Variants in BAIAP3 observed in about 807,000 individuals in gnomAD.
BAIAP3 encodes the protein BAI1 associated protein 3, also known as BAI1-associated protein 3.
A neutral mutation model predicts 149.7 loss-of-function variants in BAIAP3; 180 were observed. The observed-to-expected ratio is 1.20, with a 90% CI of 1.07 to 1.36. The LOEUF (loss-of-function observed/expected upper bound fraction) is 1.36, where lower values mean the gene tolerates loss of function less well. Among genes scored for constraint, BAIAP3 ranks in the 40% most tolerant of loss-of-function variants. BAIAP3 has a pLI of 0.00. For missense variants in BAIAP3, 1,767 were observed against 1,563.4 expected (o/e 1.13, Z -2.20); for synonymous variants, 845 against 670.7 (o/e 1.26, Z -4.02).
chr16:1,339,201 C>T lies in BAIAP3; in HGVS notation c.257C>T (p.Pro86Leu). 1.9e-6 allele frequency: 3 copies of T among 1,565,580 alleles called. No homozygotes were observed. The South Asian group carries it at 3.5e-5, about 18-fold the overall frequency. Residue 86 changes from proline to leucine, a missense_variant, in exon 4 of 34, where the codon CCT becomes CTT. Coordinates refer to ENST00000426824, the MANE Select transcript of BAIAP3 (RefSeq NM_001199097.2). ...LRSGSPAPPE[P>L]VDPSLGLRAL... ...AGTGGCTCGCCAGCACCCCCGGAGC[C>T]TGTGGATCCCAGCCTCGGCCTGAGA...
chr16:1,340,104 A>C (rs2033794085), intron 5 of BAIAP3, among the ~76,000 whole-genome samples: 1 of 148,374 alleles, frequency 6.7e-6, no homozygotes, highest in Middle Eastern at 3.7e-3. Flanking sequence ...ACACAGGCAC[A>C]CAGGCTGCAG....
In BAIAP3 at chr16:1,348,471, G is replaced by A. The variant is rs1403470350; in HGVS notation, c.3448G>A (p.Ala1150Thr). The change falls in exon 34 of 34, where the codon GCG becomes ACG. Residue 1150 changes from alanine to threonine, a missense_variant. Transcript: ENST00000426824. ...KLKELEKCME[A>T]DP ...CAAGGAGCTGGAGAAGTGCATGGAG[G>A]CGGACCCCTGAGTCCATCAGCTGCC... 1.2e-6 allele frequency: 2 copies of A among 1,609,480 alleles called. No homozygotes were observed. Among genetic ancestry groups the A allele is most frequent in the South Asian group, 1.1e-5 (1 of 90,490 alleles).
chr16:1,344,157 C>T lies in BAIAP3; in HGVS notation c.1511+11C>T, dbSNP rs200100472. The T allele has an allele frequency of 2.1e-5, 34 of 1,611,846 alleles. No homozygotes were observed. In the East Asian group the frequency reaches 3.8e-4, roughly 18 times the overall value. On this transcript the variant is annotated intron_variant, in intron 16 of 33. Transcript: ENST00000426824. The stretch of plus-strand genomic sequence containing the variant: ...GGAGCTGCTGCTGAAGTGGGTGCAG[C>T]GCCGCGTGTCAGCGTGGGTGGGGGC...
intron 15 of BAIAP3, 141 bp from the exon 16 acceptor site, chr16:1,343,880 TG>T: frequency 7.5e-7 from 1 of 1,333,394 alleles, no homozygotes; most frequent in Non-Finnish European, 1.0e-6. Context: ...ACAGGCCGAC[TG>T]GGCCTGTGGA....
chr16:1,343,935 G>C, intron 15 of BAIAP3, 87 bp from the exon 16 acceptor site: 1 of 1,569,028 alleles, frequency 6.4e-7, no homozygotes, highest in African/African-American at 1.3e-5. Context: ...GCCCGGGGAA[G>C]GGTGTTGCGG....
chr16:1,346,821 C>T (rs768499493), intron 27 of BAIAP3, 26 bp from the exon 28 acceptor site: 15 of 1,561,420 alleles, frequency 9.6e-6, no homozygotes, highest in African/African-American at 1.3e-5. Context: ...TGGGGCTGGC[C>T]CGTGGTCACT....
At chr16:1,336,059 C>G (rs925129184) in intron 1 of BAIAP3, 1 of 201,420 alleles carries the variant, frequency 5.0e-6, no homozygotes, top group African/African-American at 2.4e-5. Context: ...CACAAAGACA[C>G]CCCCTCCCCA....
Position 1,345,249 on chromosome 16 carries a change from G to T in BAIAP3, c.1941G>T (p.Arg647=). The T allele has an allele frequency of 6.2e-7, 1 of 1,612,786 alleles. No individual in the cohort carries two copies. The highest frequency in any genetic ancestry group is 1.1e-5 in the South Asian group (1 of 91,060). ...AGCCCTCACAACCCTCCCACCACAG[G>T]GACAGCCGCTCTCTGGCCCTGGCTG... ...LQRFWDSIPG[R]DSRSLALAGI... The change falls in exon 22 of 34, where the codon CGG becomes CGT. Residue 647 remains arginine (R), a splice_region_variant and synonymous_variant. Transcript: ENST00000426824.
rs764958638 is a variant in BAIAP3 at position 1,346,525 on chromosome 16, G to A, written c.2562+15G>A. On this transcript the variant is annotated intron_variant, in intron 26 of 33. Transcript: ENST00000426824. ...AGAACGATGAGGTGAGTGCCGGGGCGAGGGGCCGTGGAGGACTGTGTGTAC... is the reference window on the plus strand; with the variant it reads ...AGAACGATGAGGTGAGTGCCGGGGCAAGGGGCCGTGGAGGACTGTGTGTAC... 1.5e-5 allele frequency: 24 copies of A among 1,603,308 alleles called. No individual in the cohort carries two copies. The highest frequency in any genetic ancestry group is 4.5e-5 in the South Asian group (4 of 89,626).
intron 19 of BAIAP3, 37 bp from the exon 20 acceptor site, chr16:1,344,761 G>C (rs766558006): frequency 2.5e-6 from 4 of 1,613,400 alleles, no homozygotes; most frequent in East Asian, 4.5e-5. Context: ...CCTGCAGGTG[G>C]GGCGCAGGTG....
At chr16:1,334,514 G>A (rs1596554585) in intron 1 of BAIAP3, 2 of 668,100 alleles carry the variant, frequency 3.0e-6, no homozygotes, top group South Asian at 3.7e-5. Flanking sequence ...AGACACGGGC[G>A]AGGGGAGGAA....
At chr16:1,347,474 A>T (rs747390234) in intron 29 of BAIAP3, 71 bp from the exon 30 acceptor site, 22 of 1,576,510 alleles carry the variant, frequency 1.4e-5, no homozygotes, top group Non-Finnish European at 1.9e-5. Flanking sequence ...CCCCACGGGC[A>T]GTCAGGTCTC....
At position 1,347,912 on chromosome 16, in the gene BAIAP3, T is replaced by A; in HGVS notation, c.3044T>A (p.Val1015Glu). 6.2e-7 allele frequency: 1 copy of A among 1,612,022 alleles called. No homozygotes were observed. The highest frequency in any genetic ancestry group is 8.5e-7 in the Non-Finnish European group (1 of 1,179,932). Residue 1015 changes from valine to glutamate, a missense_variant, in exon 32 of 34, where the codon GTG becomes GAG. By Grantham distance (121) the Val-to-Glu change is moderately radical (BLOSUM62 -2). Coordinates refer to ENST00000426824, the MANE Select transcript of BAIAP3 (RefSeq NM_001199097.2). ...CCTGCAGGCTTAAGTGACCCCTTTG[T>A]GATCGTGGAGCTGGGCCCACCGCAT... ...LDANGLSDPF[V>E]IVELGPPHLF...
At chr16:1,338,453 G>GGCCC in intron 1 of BAIAP3, 87 bp from the exon 2 acceptor site, 3 of 177,274 alleles carry the variant, frequency 1.7e-5, no homozygotes, top group Non-Finnish European at 2.4e-5. Flanking sequence ...ACCTCTTCCC[G>GGCCC]CCCCACCCCC....
At position 1,333,714 on chromosome 16, in the gene BAIAP3, GCCCCAGGAGCC is replaced by G. The variant is rs1596553256; in HGVS notation, c.-41_-31del. On this transcript the variant is annotated 5_prime_UTR_variant, in exon 1 of 34. Transcript: ENST00000426824. The stretch of plus-strand genomic sequence containing the variant: ...TCCCCGAGCTGGTGCCGAGCGCAGC[GCCCCAGGAGCC>G]CCCCCATCCCCGCGCCGGCCCACGG... 9.2e-6 allele frequency: 1 copy of G among 108,900 alleles called. No individual in the cohort carries two copies. Among genetic ancestry groups the G allele is most frequent in the Non-Finnish European group, 1.8e-5 (1 of 56,420 alleles). 6.7% of individuals were successfully genotyped at this position (108,900 alleles called of 1,614,324 possible).
rs1159479596 is a variant in BAIAP3, at chr16:1,347,575, T to C, written c.2854T>C (p.Cys952Arg). The C allele has an allele frequency of 6.2e-7, 1 of 1,612,306 alleles. No individual in the cohort carries two copies. Among genetic ancestry groups the C allele is most frequent in the Non-Finnish European group, 8.5e-7 (1 of 1,179,674 alleles). The change falls in exon 30 of 34, where the codon TGT (cysteine) becomes CGT (arginine). Residue 952 changes from cysteine to arginine, a missense_variant. Coordinates refer to ENST00000426824, the MANE Select transcript of BAIAP3 (RefSeq NM_001199097.2). ...RLKEELRLHKCSTRECIEQFY... is the reference protein window; with the variant it reads ...RLKEELRLHKRSTRECIEQFY... ...GAAGGAGGAGCTGCGGCTGCACAAA[T>C]GTTCCACCCGCGAGTGCATCGAGCA...
In BAIAP3 at chr16:1,348,653, G is replaced by A. The variant is rs1325617289; in HGVS notation, c.*171G>A. The A allele has an allele frequency of 1.5e-6, 1 of 678,574 alleles. No individual in the cohort carries two copies. Among genetic ancestry groups the A allele is most frequent in the African/African-American group, 1.8e-5 (1 of 55,560 alleles). 42.0% of individuals were successfully genotyped at this position (678,574 alleles called of 1,614,324 possible). ...CCTACCGCCCTGGCCGTGTCTGTCT[G>A]GTGTGTGCTGTGAACCCCTGCACCC... On this transcript the variant is annotated 3_prime_UTR_variant, in exon 34 of 34. Coordinates refer to ENST00000426824, the MANE Select transcript of BAIAP3 (RefSeq NM_001199097.2).
chr16:1,337,504 G>T (rs1356510317), intron 1 of BAIAP3, among the ~76,000 whole-genome samples: 1 of 152,236 alleles, frequency 6.6e-6, no homozygotes, highest in Non-Finnish European at 1.5e-5. Context: ...ACCTGGAGGT[G>T]GAGGCTGCAG....
chr16:1,339,817 A>ATG (rs539024243), intron 5 of BAIAP3, among the ~76,000 whole-genome samples: 1 of 87,126 alleles, frequency 1.1e-5, no homozygotes, highest in Non-Finnish European at 2.5e-5. Context: ...ACACAGACAC[A>ATG]CACACAGGCT....
Sources: gnomAD v4.1 joint callset for allele counts (sites outside exome capture counted in the v4.1 genomes callset) on GRCh38, gnomAD v4.1.1 for gene constraint, MANE v1.5 for transcripts, NCBI Gene and HGNC (gene_info 2026-07-23, HGNC 2026-07-21) for gene names.